The following ZC3H18 variants were observed in gnomAD, a reference collection of about 807,000 sequenced individuals.
The protein encoded by ZC3H18 is zinc finger CCCH-type containing 18.
In ZC3H18, 8 loss-of-function variants were observed where a neutral mutation model predicts 106.1. The ratio of observed to expected loss-of-function variants is 0.08; its 90% CI spans 0.04 to 0.14. ZC3H18 has a LOEUF of 0.14. Among genes scored for constraint, ZC3H18 ranks in the 10% least tolerant of loss-of-function variants. The probability of loss-of-function intolerance (pLI) is 1.00; values close to 1 mark genes in which losing one functional copy is unlikely to be tolerated. For missense variants in ZC3H18, 1,318 were observed against 1,278.4 expected, an observed-to-expected ratio of 1.03 and a Z score of -0.47; for synonymous variants, 635 against 522.1, an observed-to-expected ratio of 1.22 and a Z score of -2.95.
intron 2 of ZC3H18, among the ~76,000 whole-genome samples, chr16:88,582,596 A>G (rs1176847914): frequency 6.6e-6 from 1 of 152,212 alleles, no homozygotes; most frequent in East Asian, 1.9e-4. Context: ...CGCCCATTCT[A>G]TTGCCAAAGC....
At position 88,614,189 on chromosome 16, in the gene ZC3H18, G is replaced by A. The variant is rs957478708; in HGVS notation, c.1475+2653G>A. On this transcript the variant is annotated intron_variant, in intron 8 of 17. Coordinates refer to ENST00000301011, the MANE Select transcript of ZC3H18 (RefSeq NM_144604.4). ...ACACCTTCCAGTAACACTGGACTCC[G>A]CTAGACCTGCAGGCATGGGCAGCTT... is the stretch of plus-strand genomic sequence containing the variant. 8.5e-5 allele frequency among the ~76,000 whole-genome samples: 13 copies of A among 152,240 alleles called. No individual in the cohort carries two copies. In the South Asian group the frequency reaches 1.9e-3, roughly 22 times the overall value.
chr16:88,589,392 C>G (rs1915614307), intron 3 of ZC3H18, among the ~76,000 whole-genome samples: 1 of 152,164 alleles, frequency 6.6e-6, no homozygotes, highest in Non-Finnish European at 1.5e-5. Flanking sequence ...TTTCCAGTAA[C>G]CAAAGAGAAA....
intron 3 of ZC3H18, chr16:88,587,452 T>G (rs890885764): frequency 8.9e-7 from 1 of 1,118,002 alleles, no homozygotes; most frequent in African/African-American, 1.6e-5. Context: ...TCTTTTCTCT[T>G]AATTTTGCTG....
At chr16:88,624,489 G>GC in intron 11 of ZC3H18, 113 bp from the exon 12 acceptor site, 1 of 1,516,076 alleles carries the variant, frequency 6.6e-7, no homozygotes, top group African/African-American at 1.4e-5. Context: ...TGCTCACCGA[G>GC]CGTCACAGGC....
At position 88,584,453 on chromosome 16, in the gene ZC3H18, AT is replaced by A. The variant is rs1354286423; in HGVS notation, c.604-2145del. ...AAAAAAAAAAGCATGGTAATCATCC[AT>A]TATTTAAAAGACCATTGTGCTAAAT... On this transcript the variant is annotated intron_variant, in intron 2 of 17. Coordinates refer to ENST00000301011, the MANE Select transcript of ZC3H18 (RefSeq NM_144604.4). Among the ~76,000 whole-genome samples the A allele has an allele frequency of 4.6e-5, 7 of 151,850 alleles. No homozygotes were observed. In the East Asian group the frequency reaches 1.4e-3, roughly 29 times the overall value.
intron 3 of ZC3H18, among the ~76,000 whole-genome samples, chr16:88,587,232 A>T (rs1489969396): frequency 2.0e-5 from 3 of 152,248 alleles, no homozygotes; most frequent in Admixed American, 2.0e-4. Flanking sequence ...AGAAAGTGTC[A>T]GAAAAGTCTG....
rs376127002 is a variant in ZC3H18 at position 88,624,666 on chromosome 16, C to T, written c.1963C>T (p.Pro655Ser). 6 of 1,613,842 alleles carry T rather than the reference C, an allele frequency of 3.7e-6. No individual in the cohort carries two copies. The highest frequency in any genetic ancestry group is 1.7e-5 in the Admixed American group (1 of 60,004). ...ACCACAGGCCACCAAAACCACTGCT[C>T]CTGTCCCCGAGCCCACCAAGCCAGG... ...APPQATKTTA[P>S]VPEPTKPGDP... is the part of the protein sequence containing the mutation. The change falls in exon 12 of 18, where the codon CCT (proline) becomes TCT (serine). Residue 655 changes from proline to serine, a missense_variant. Pro to Ser is a moderately conservative substitution (Grantham distance 74, BLOSUM62 -1). This residue lies in a region of ZC3H18 where 848 missense variants were observed against 821.7 expected (regional missense o/e 1.03). Transcript: ENST00000301011.
intron 8 of ZC3H18, among the ~76,000 whole-genome samples, chr16:88,613,204 G>A (rs1291887928): frequency 2.0e-5 from 3 of 152,272 alleles, no homozygotes; most frequent in South Asian, 4.1e-4. Flanking sequence ...TTGTAGCGTG[G>A]GTCAGTGCTT....
chr16:88,578,509 C>T (rs888356734), intron 2 of ZC3H18, among the ~76,000 whole-genome samples: 1 of 151,754 alleles, frequency 6.6e-6, no homozygotes, highest in African/African-American at 2.4e-5. Context: ...AGGGACAGAG[C>T]AGTTGAACTG....
chr16:88,615,958 G>T (rs1289662703), intron 8 of ZC3H18, among the ~76,000 whole-genome samples: 1 of 152,220 alleles, frequency 6.6e-6, no homozygotes, highest in Non-Finnish European at 1.5e-5. Context: ...GCTGTGGCCC[G>T]CACTTTAGTG....
Position 88,627,826 on chromosome 16 carries a change from A to G in ZC3H18, c.2269+44A>G. ...ACCTTTGGGGAGCAGCTCCCGGGGGAGGAGGGCGGCATCAGCACAGACTTT... is the reference window on the plus strand; with the variant it reads ...ACCTTTGGGGAGCAGCTCCCGGGGGGGGAGGGCGGCATCAGCACAGACTTT... On this transcript the variant is annotated intron_variant, in intron 14 of 17. Transcript: ENST00000301011. This position sits in a 1 kb window ranked among gnomAD's most constrained non-coding sequence, Gnocchi z 4.5. 6.2e-7 allele frequency: 1 copy of G among 1,609,738 alleles called. No homozygotes were observed. Among genetic ancestry groups the G allele is most frequent in the South Asian group, 1.1e-5 (1 of 91,004 alleles).
chr16:88,588,001 C>T (rs2142594992), intron 3 of ZC3H18, among the ~76,000 whole-genome samples: 1 of 152,296 alleles, frequency 6.6e-6, no homozygotes, highest in East Asian at 1.9e-4. Context: ...GTCACACGTG[C>T]ATGTGAGGGG....
At chr16:88,608,058 C>T (rs560126631) in intron 6 of ZC3H18, among the ~76,000 whole-genome samples, 7 of 152,286 alleles carry the variant, frequency 4.6e-5, no homozygotes, top group East Asian at 1.9e-4. Context: ...TATCCTCTGC[C>T]TTTCCAAGTT....
At chr16:88,609,171 C>A in intron 7 of ZC3H18, 120 bp downstream of exon 7, 1 of 702,820 alleles carries the variant, frequency 1.4e-6, no homozygotes. Flanking sequence ...GCACAATGTA[C>A]CAATTTGAAA....
At chr16:88,613,618 C>T (rs1905397743) in intron 8 of ZC3H18, among the ~76,000 whole-genome samples, 1 of 152,212 alleles carries the variant, frequency 6.6e-6, no homozygotes, top group South Asian at 2.1e-4. Context: ...TTCTTCTGTG[C>T]TTATCAACCA....
Position 88,630,518 on chromosome 16 carries a change from G to A in ZC3H18, c.2600G>A (p.Gly867Asp), listed in dbSNP as rs767349506. The change falls in exon 17 of 18, where the codon GGC becomes GAC. Residue 867 changes from glycine to aspartate, a missense_variant. Transcript: ENST00000301011. The stretch of plus-strand genomic sequence containing the variant: ...GACCGGAAGTCAGGTGGGAGACTGG[G>A]CTCCCCGAAGCCAGAGCGGCAGAGA... ...SRDRKSGGRL[G>D]SPKPERQRGQ... The A allele has an allele frequency of 1.2e-6, 2 of 1,613,204 alleles. No individual in the cohort carries two copies. The highest frequency in any genetic ancestry group is 2.2e-5 in the East Asian group (1 of 44,892).
chr16:88,611,609 C>G, intron 8 of ZC3H18, 73 bp downstream of exon 8: 1 of 1,498,906 alleles, frequency 6.7e-7, no homozygotes, highest in Non-Finnish European at 8.9e-7. Flanking sequence ...GTCCCCCTGG[C>G]CTGCGCTTCC....
Position 88,611,322 on chromosome 16 carries a change from CGGG to C in ZC3H18, c.1262_1264del (p.Arg421_Glu422delinsGln). On this transcript the variant is annotated inframe_deletion, in exon 8 of 18. Coordinates refer to ENST00000301011, the MANE Select transcript of ZC3H18 (RefSeq NM_144604.4). ...CAGACAGCGCGAGCGCGAGCGGGAGCGGGAGCGGGACCGAGAGCGGGAGCGCCG... is the reference window on the plus strand; with the variant it reads ...CAGACAGCGCGAGCGCGAGCGGGAGCAGCGGGACCGAGAGCGGGAGCGCCG... 1.5e-6 allele frequency: 1 copy of C among 661,134 alleles called. No individual in the cohort carries two copies. Among genetic ancestry groups the C allele is most frequent in the Non-Finnish European group, 2.8e-6 (1 of 361,058 alleles). The allele number at this position is 661,134 out of a possible 1,614,324, so 41.0% of individuals were successfully genotyped here.
At chr16:88,585,995 G>A (rs1285868449) in intron 2 of ZC3H18, among the ~76,000 whole-genome samples, 1 of 152,160 alleles carries the variant, frequency 6.6e-6, no homozygotes, top group Non-Finnish European at 1.5e-5. Context: ...CCCTGGGACA[G>A]TGGGTGGCTT....
Sources: allele counts gnomAD v4.1 joint callset (sites outside exome capture counted in the v4.1 genomes callset), GRCh38; gene constraint gnomAD v4.1.1; regional missense constraint gnomAD v4.1.1; non-coding constraint Gnocchi (gnomAD v3.1); transcripts MANE v1.5; gene names NCBI Gene and HGNC (gene_info 2026-07-23, HGNC 2026-07-21).